FRMPD1: variants seen among roughly 807,000 people sequenced by gnomAD.
FRMPD1 encodes FERM and PDZ domain-containing protein 1.
FRMPD1 carries 76 observed loss-of-function variants against 117.8 expected under a neutral mutation model. The observed-to-expected ratio is 0.65, with a 90% CI of 0.54 to 0.78. The LOEUF (loss-of-function observed/expected upper bound fraction) is 0.78, where lower values mean the gene tolerates loss of function less well. FRMPD1 is among the 30% of genes least tolerant of loss of function. The pLI, the probability that FRMPD1 is intolerant of heterozygous loss-of-function variation, is 0.00. For synonymous variants in FRMPD1, 783 were observed against 770.4 expected (o/e 1.02, Z -0.27); for missense variants, 1,786 against 1,964.5 (o/e 0.91, Z 1.72).
At chr9:37,630,467 C>T in the FRMPD1 span, among the ~76,000 whole-genome samples, 2 of 152,068 alleles carry the variant, frequency 1.3e-5, no homozygotes, top group Non-Finnish European at 2.9e-5. Context: ...CTGCAACCTC[C>T]GCCTCCTGGT....
intron 12 of FRMPD1, among the ~76,000 whole-genome samples, chr9:37,735,287 C>CAGGAAGAT (rs1271180173): frequency 6.6e-6 from 1 of 152,056 alleles, no homozygotes; most frequent in Non-Finnish European, 1.5e-5. Flanking sequence ...ATTCAAAGAG[C>CAGGAAGAT]AGGAAGATAG....
chr9:37,694,595 C>T (rs1444929224), intron 2 of FRMPD1, among the ~76,000 whole-genome samples: 9 of 152,226 alleles, frequency 5.9e-5, no homozygotes, highest in East Asian at 5.8e-4. Flanking sequence ...TTGCCCAGGA[C>T]GGAGTGCAGT....
At position 37,733,604 on chromosome 9, in the gene FRMPD1, T is replaced by C. The variant is rs1217555942; in HGVS notation, c.1122+5T>C. 9.3e-6 allele frequency: 15 copies of C among 1,613,666 alleles called. No homozygotes were observed. The highest frequency in any genetic ancestry group is 5.1e-6 in the Non-Finnish European group (6 of 1,179,898). On this transcript the variant is annotated splice_donor_5th_base_variant and intron_variant, in intron 11 of 15. Coordinates refer to ENST00000377765, the MANE Select transcript of FRMPD1 (RefSeq NM_014907.3). The stretch of plus-strand genomic sequence containing the variant: ...TTGCTGGAACCCCGACAGAAGGTAA[T>C]GAAGGTGCCTCTGCCGACCCACTCA...
At chr9:37,637,058 C>T in the FRMPD1 span, 21 of 1,546,528 alleles carry the variant, frequency 1.4e-5, no homozygotes, top group African/African-American at 4.1e-5. Context: ...ATGAGCCCCC[C>T]GGTAGTAGCT....
chr9:37,693,525 C>T (rs1028456123), intron 2 of FRMPD1, among the ~76,000 whole-genome samples: 7 of 152,156 alleles, frequency 4.6e-5, no homozygotes, highest in African/African-American at 1.4e-4. Flanking sequence ...CCTCACACAC[C>T]GAGGTCAGAT....
intron 1 of FRMPD1, among the ~76,000 whole-genome samples, chr9:37,676,174 G>C (rs1821522942): frequency 6.6e-6 from 1 of 152,030 alleles, no homozygotes; most frequent in African/African-American, 2.4e-5. Context: ...ATTAAATCCA[G>C]AAAAGGCTTT....
chr9:37,690,222 T>A (rs1822084617), intron 1 of FRMPD1, among the ~76,000 whole-genome samples: 1 of 152,098 alleles, frequency 6.6e-6, no homozygotes, highest in African/African-American at 2.4e-5. Flanking sequence ...CTACAGTCTT[T>A]CATTGACTTT....
chr9:37,741,040 T>C lies in FRMPD1; in HGVS notation c.2356+156T>C, dbSNP rs554844155. The C allele has an allele frequency of 1.6e-5, 10 of 632,370 alleles. 1 individual carries two copies. The South Asian group carries it at 1.7e-4, about 11-fold the overall frequency. The allele number at this position is 632,370 out of a possible 1,614,324, so 39.2% of individuals were successfully genotyped here. A position where few individuals can be genotyped will look rare whatever the true frequency, so the allele number is the denominator to read the frequency against. On this transcript the variant is annotated intron_variant, in intron 15 of 15. Coordinates refer to ENST00000377765, the MANE Select transcript of FRMPD1 (RefSeq NM_014907.3). ...GTAGATACAGATTCCATGGACCAAA[T>C]TTTAGGCATCGTGGCAGGCCTGCAA... is the stretch of plus-strand genomic sequence containing the variant.
At chr9:37,714,681 C>A (rs1823043844) in intron 5 of FRMPD1, among the ~76,000 whole-genome samples, 1 of 151,032 alleles carries the variant, frequency 6.6e-6, no homozygotes. Flanking sequence ...AAGTCTTGCT[C>A]TGTCACCCAG....
chr9:37,678,258 T>C, intron 1 of FRMPD1, among the ~76,000 whole-genome samples: 1 of 117,674 alleles, frequency 8.5e-6, no homozygotes, highest in South Asian at 2.7e-4. Flanking sequence ...CCACTTTTTT[T>C]TTTTTTTTTT....
chr9:37,642,687 C>T, the FRMPD1 span, among the ~76,000 whole-genome samples: 1 of 152,170 alleles, frequency 6.6e-6, no homozygotes, highest in African/African-American at 2.4e-5. Flanking sequence ...AAGCTCATGA[C>T]ATTTACTCTT....
chr9:37,738,802 A>G lies in FRMPD1; in HGVS notation c.1550-1276A>G, dbSNP rs1001881308. 2.6e-5 allele frequency among the ~76,000 whole-genome samples: 4 copies of G among 152,220 alleles called. No individual in the cohort carries two copies. The South Asian group carries it at 8.3e-4, about 32-fold the overall frequency. On this transcript the variant is annotated intron_variant, in intron 14 of 15. Transcript: ENST00000377765. The stretch of plus-strand genomic sequence containing the variant: ...TTCTCTAGAGGAAGAGGTATTGGAA[A>G]TAGATCTTGAAGAACATGCTGGAGT...
Position 37,746,883 on chromosome 9 carries a change from A to G in FRMPD1, c.*114A>G, listed in dbSNP as rs947681109. ...AAATGTTTACTATATAGAGTATTCA[A>G]ATAAACTGCTGCTTAATCTTGGCCT... On this transcript the variant is annotated 3_prime_UTR_variant, in exon 16 of 16. Transcript: ENST00000377765. 1.4e-6 allele frequency: 1 copy of G among 692,850 alleles called. No individual in the cohort carries two copies. The allele number at this position is 692,850 out of a possible 1,614,324, so 42.9% of individuals were successfully genotyped here.
chr9:37,681,055 A>G (rs1372189964), intron 1 of FRMPD1, among the ~76,000 whole-genome samples: 2 of 151,984 alleles, frequency 1.3e-5, no homozygotes, highest in Non-Finnish European at 2.9e-5. Context: ...TACTAAAAAT[A>G]TAAGAAAACT....
chr9:37,681,011 A>G (rs1380653043), intron 1 of FRMPD1, among the ~76,000 whole-genome samples: 1 of 152,076 alleles, frequency 6.6e-6, no homozygotes, highest in African/African-American at 2.4e-5. Flanking sequence ...GGAGTTCGAG[A>G]CCAGCTGGGG....
At chr9:37,606,551 A>C in the FRMPD1 span, among the ~76,000 whole-genome samples, 1 of 152,148 alleles carries the variant, frequency 6.6e-6, no homozygotes, top group East Asian at 1.9e-4. Context: ...TGTATAAAGC[A>C]CCTCTTGCTA....
At chr9:37,691,437 C>G (rs968322421) in intron 1 of FRMPD1, among the ~76,000 whole-genome samples, 1 of 152,158 alleles carries the variant, frequency 6.6e-6, no homozygotes, top group African/African-American at 2.4e-5. Context: ...TGAACATAGT[C>G]TATAGTTCAG....
chr9:37,696,913 C>T (rs141814061), intron 2 of FRMPD1, among the ~76,000 whole-genome samples: 80 of 152,244 alleles, frequency 5.3e-4, no homozygotes, highest in Non-Finnish European at 9.3e-4. Context: ...AGTGAGTTGT[C>T]TAGGAGTAAA....
rs763464887 is a variant in FRMPD1, at chr9:37,744,542, AAAG to A, written c.2514_2516del (p.Arg839del). 5.0e-6 allele frequency: 8 copies of A among 1,613,970 alleles called. No individual in the cohort carries two copies. Among genetic ancestry groups the A allele is most frequent in the Middle Eastern group, 1.6e-4 (1 of 6,084 alleles). ...AAGAAATATGCCAAGACCCTGAGGA[AAAG>A]AAGGTCTTTCCTACAGACCGACTAC... is the stretch of plus-strand genomic sequence containing the variant. On this transcript the variant is annotated inframe_deletion, in exon 16 of 16. Coordinates refer to ENST00000377765, the MANE Select transcript of FRMPD1 (RefSeq NM_014907.3).
Sources: allele counts gnomAD v4.1 joint callset (sites outside exome capture counted in the v4.1 genomes callset), GRCh38; gene constraint gnomAD v4.1.1; transcripts MANE v1.5; gene names NCBI Gene and HGNC (gene_info 2026-07-23, HGNC 2026-07-21).